Variants in JHY observed in about 807,000 individuals in gnomAD.
JHY encodes junctional cadherin complex regulator.
A neutral mutation model predicts 78.0 loss-of-function variants in JHY; 69 were observed. That is an observed-to-expected ratio of 0.88 (90% CI 0.73 to 1.08). The LOEUF (loss-of-function observed/expected upper bound fraction) is 1.08, where lower values mean the gene tolerates loss of function less well. Among genes scored for constraint, JHY ranks in the 50% least tolerant of loss-of-function variants. The pLI is 0.00. For synonymous variants in JHY, 368 were observed against 342.6 expected (o/e 1.07, Z -0.82); for missense variants, 944 against 927.8 (o/e 1.02, Z -0.23).
chr11:122,907,325 A>G (rs1863013318), intron 3 of JHY, among the ~76,000 whole-genome samples: 1 of 151,698 alleles, frequency 6.6e-6, no homozygotes, highest in African/African-American at 2.4e-5. Context: ...TATGTTCCCT[A>G]TGGGTAGGAG....
chr11:122,934,125 T>C (rs1317263339), intron 4 of JHY, among the ~76,000 whole-genome samples: 1 of 152,100 alleles, frequency 6.6e-6, no homozygotes, highest in African/African-American at 2.4e-5. Context: ...AAAAATCGTC[T>C]ACTTTTTCTT....
At chr11:122,950,658 A>G (rs1285507986) in intron 6 of JHY, among the ~76,000 whole-genome samples, 2 of 152,224 alleles carry the variant, frequency 1.3e-5, no homozygotes, top group African/African-American at 4.8e-5. Flanking sequence ...GAAATAATGT[A>G]TTAAAACTAC....
chr11:122,888,813 T>C (rs1378352553), intron 2 of JHY, among the ~76,000 whole-genome samples: 1 of 152,224 alleles, frequency 6.6e-6, no homozygotes, highest in Non-Finnish European at 1.5e-5. Context: ...AATATATATC[T>C]ATATATGGAT....
intron 4 of JHY, 93 bp downstream of exon 4, chr11:122,925,103 A>G (rs1803634712): frequency 3.0e-6 from 3 of 986,142 alleles, no homozygotes; most frequent in Non-Finnish European, 4.6e-6. Flanking sequence ...TTAAGGGTTT[A>G]TTTTTATGCC....
chr11:122,943,960 C>A (rs1863919253), intron 5 of JHY, among the ~76,000 whole-genome samples: 1 of 152,142 alleles, frequency 6.6e-6, no homozygotes, highest in African/African-American at 2.4e-5. Flanking sequence ...AATAACAGCA[C>A]TTTGGGAGGC....
At chr11:122,903,087 C>G (rs1273472945) in intron 2 of JHY, among the ~76,000 whole-genome samples, 8 of 152,310 alleles carry the variant, frequency 5.3e-5, no homozygotes, top group African/African-American at 1.9e-4. Context: ...ATTCCAAGGG[C>G]TACAGCGTCA....
intron 6 of JHY, among the ~76,000 whole-genome samples, chr11:122,953,072 T>TAA (rs968329766): frequency 2.0e-5 from 3 of 152,198 alleles, no homozygotes; most frequent in Admixed American, 1.3e-4. Context: ...TTGATGGCCT[T>TAA]AAACATATTC....
At chr11:122,944,284 C>T (rs146365426) in intron 5 of JHY, among the ~76,000 whole-genome samples, 18 of 152,238 alleles carry the variant, frequency 1.2e-4, no homozygotes, top group African/African-American at 2.9e-4. Flanking sequence ...TTTGTCCTTC[C>T]GAATCACCCT....
chr11:122,941,838 G>A (rs1863880073), intron 5 of JHY, among the ~76,000 whole-genome samples: 1 of 152,118 alleles, frequency 6.6e-6, no homozygotes, highest in South Asian at 2.1e-4. Context: ...ACAAGAAATA[G>A]AAATTCCCTT....
Position 122,886,183 on chromosome 11 carries a change from G to T in JHY, c.334G>T (p.Ala112Ser). ...EQNHHTWDQG[A>S]NNRQQPIEDK... ...AAACCACCATACCTGGGACCAGGGCGCCAATAACAGGTAAGGAATTGGCTT... is the reference window on the plus strand; with the variant it reads ...AAACCACCATACCTGGGACCAGGGCTCCAATAACAGGTAAGGAATTGGCTT... Residue 112 changes from alanine (A) to serine (S), a missense_variant, in exon 2 of 9, where the codon GCC becomes TCC. Ala to Ser is a moderately conservative substitution (Grantham distance 99, BLOSUM62 1). Transcript: ENST00000227349. 1 of 1,608,812 alleles carries T rather than the reference G, an allele frequency of 6.2e-7. No individual in the cohort carries two copies. The highest frequency in any genetic ancestry group is 8.5e-7 in the Non-Finnish European group (1 of 1,177,196).
rs557635681 is a variant in JHY at position 122,906,726 on chromosome 11, T to C, written c.864+2282T>C. ...TTGATTTATTAATCGCTATTTTTGT[T>C]AGTAGTTATAAGTTAATTTACTAAA... On this transcript the variant is annotated intron_variant, in intron 3 of 8. Transcript: ENST00000227349. Among the ~76,000 whole-genome samples the C allele has an allele frequency of 8.5e-5, 13 of 152,218 alleles. No homozygotes were observed. The East Asian group carries it at 2.5e-3, about 29-fold the overall frequency.
At chr11:122,936,922 TAC>T (rs1216208537) in intron 5 of JHY, among the ~76,000 whole-genome samples, 2 of 152,340 alleles carry the variant, frequency 1.3e-5, no homozygotes, top group Non-Finnish European at 2.9e-5. Context: ...ACACTTTATA[TAC>T]AATTGGCCTT....
chr11:122,892,182 A>G (rs1862631405), intron 2 of JHY, among the ~76,000 whole-genome samples: 1 of 152,142 alleles, frequency 6.6e-6, no homozygotes. Flanking sequence ...CATAGCCTCC[A>G]CAAAAGGGCC....
chr11:122,901,337 C>T (rs1862854776), intron 2 of JHY, among the ~76,000 whole-genome samples: 1 of 152,324 alleles, frequency 6.6e-6, no homozygotes, highest in African/African-American at 2.4e-5. Context: ...TAGGACATTA[C>T]TGTAAGCTAC....
At position 122,961,331 on chromosome 11, in the gene JHY, G is replaced by A. The variant is rs1864311412; in HGVS notation, c.*1886G>A. Among the ~76,000 whole-genome samples, 2 of 151,424 alleles carry A rather than the reference G, an allele frequency of 1.3e-5. No individual in the cohort carries two copies. Among genetic ancestry groups the A allele is most frequent in the Admixed American group, 1.3e-4 (2 of 15,214 alleles). On this transcript the variant is annotated 3_prime_UTR_variant, in exon 9 of 9. Transcript: ENST00000227349. ...TTTTTTTATTGTTGTTTTTTTTGCT[G>A]TTGTTGTTGTTTTTAGACAGACTCT...
intron 3 of JHY, among the ~76,000 whole-genome samples, chr11:122,918,640 C>G (rs1316842739): frequency 6.6e-6 from 1 of 151,468 alleles, no homozygotes. Context: ...CAGCCGGCTA[C>G]CTGGCTTTAA....
intron 2 of JHY, among the ~76,000 whole-genome samples, chr11:122,901,200 AG>A: frequency 6.6e-6 from 1 of 152,348 alleles, no homozygotes; most frequent in South Asian, 2.1e-4. Context: ...GAAAAGGTAC[AG>A]TAAAAATAAA....
At chr11:122,905,499 A>T in intron 3 of JHY, 1 of 1,181,522 alleles carries the variant, frequency 8.5e-7, no homozygotes, top group Non-Finnish European at 1.0e-6. Flanking sequence ...ACCTCTAAGC[A>T]TTTTCTAATG....
intron 3 of JHY, among the ~76,000 whole-genome samples, chr11:122,912,203 C>T (rs758408092): frequency 1.3e-5 from 2 of 151,224 alleles, no homozygotes; most frequent in Non-Finnish European, 2.9e-5. Context: ...AGGAGAATCA[C>T]TTGAACCTGG....
Sources: allele counts gnomAD v4.1 joint callset (sites outside exome capture counted in the v4.1 genomes callset), GRCh38; gene constraint gnomAD v4.1.1; transcripts MANE v1.5; gene names NCBI Gene and HGNC (gene_info 2026-07-23, HGNC 2026-07-21).